Variants in FAM107A observed in about 807,000 individuals in gnomAD.
The protein encoded by FAM107A is family with sequence similarity 107 member A.
A neutral mutation model predicts 13.7 loss-of-function variants in FAM107A; 19 were observed. The observed-to-expected ratio is 1.38, with a 90% CI of 0.97 to 2.03. FAM107A has a LOEUF of 2.03. Among genes scored for constraint, FAM107A ranks in the 30% most tolerant of loss-of-function variants. FAM107A has a pLI of 0.00. For missense variants in FAM107A, 203 were observed against 184.4 expected, an observed-to-expected ratio of 1.10 and a Z score of -0.58; for synonymous variants, 82 against 74.5, an observed-to-expected ratio of 1.10 and a Z score of -0.52.
chr3:58,608,158 A>G (rs1461240481), intron 1 of FAM107A, among the ~76,000 whole-genome samples: 1 of 152,196 alleles, frequency 6.6e-6, no homozygotes, highest in East Asian at 1.9e-4. Flanking sequence ...TCTCATCTAC[A>G]AATGGGTGCA....
At chr3:58,570,359 C>G (rs1402433375) in intron 1 of FAM107A, 1 of 984,098 alleles carries the variant, frequency 1.0e-6, no homozygotes, top group Non-Finnish European at 1.2e-6. Flanking sequence ...AGTTCCACAA[C>G]TGTTCAGCTT....
chr3:58,581,612 C>G (rs2065543354), upstream of FAM107A, among the ~76,000 whole-genome samples: 1 of 151,256 alleles, frequency 6.6e-6, no homozygotes, highest in South Asian at 2.1e-4. Context: ...CCCCCCGCCT[C>G]TCAAACATGC....
chr3:58,589,769 G>A (rs145331577), upstream of FAM107A, among the ~76,000 whole-genome samples: 7 of 152,226 alleles, frequency 4.6e-5, no homozygotes, highest in East Asian at 5.8e-4. Flanking sequence ...AGACTACTAC[G>A]TCACATTCAG....
At chr3:58,593,772 C>T (rs1351167604) in intron 1 of FAM107A, among the ~76,000 whole-genome samples, 1 of 152,136 alleles carries the variant, frequency 6.6e-6, no homozygotes, top group African/African-American at 2.4e-5. Flanking sequence ...CCGTCCGCGC[C>T]CTACAGGTTG....
intron 1 of FAM107A, among the ~76,000 whole-genome samples, chr3:58,605,256 T>C (rs4681872): frequency 0.31 from 46,650 of 152,090 alleles, 7,847 homozygotes; most frequent in East Asian, 0.62. Flanking sequence ...AGTTCACTCT[T>C]AACCCTATAA....
intron 1 of FAM107A, among the ~76,000 whole-genome samples, chr3:58,572,005 G>C (rs909105133): frequency 1.3e-5 from 2 of 152,158 alleles, no homozygotes; most frequent in Admixed American, 6.5e-5. Context: ...CTTAATATTT[G>C]TATAGATAAA....
chr3:58,611,502 A>G (rs545529441), intron 1 of FAM107A, among the ~76,000 whole-genome samples: 1 of 152,262 alleles, frequency 6.6e-6, no homozygotes, highest in African/African-American at 2.4e-5. Context: ...TCATCTGTTT[A>G]TGGGCAGGTC....
chr3:58,626,712 A>G (rs2066021352), intron 1 of FAM107A, among the ~76,000 whole-genome samples: 2 of 152,042 alleles, frequency 1.3e-5, no homozygotes, highest in South Asian at 2.1e-4. Context: ...GGAAGTAGAG[A>G]TGTGTGTGGT....
chr3:58,582,016 G>T (rs1422975322), upstream of FAM107A, among the ~76,000 whole-genome samples: 1 of 152,132 alleles, frequency 6.6e-6, no homozygotes, highest in African/African-American at 2.4e-5. Flanking sequence ...GCGTGTGTGT[G>T]TCTGTTTCTC....
At chr3:58,614,556 G>A (rs577521334) in intron 1 of FAM107A, among the ~76,000 whole-genome samples, 168 of 150,330 alleles carry the variant, frequency 1.1e-3, no homozygotes, top group Non-Finnish European at 1.9e-3. Flanking sequence ...TCAGGCTAGA[G>A]TGTGATGGCG....
At chr3:58,599,274 C>CA (rs1402677860) in intron 1 of FAM107A, among the ~76,000 whole-genome samples, 4 of 152,174 alleles carry the variant, frequency 2.6e-5, no homozygotes, top group Admixed American at 6.5e-5. Flanking sequence ...AATTCTACTC[C>CA]AAACACCCTT....
At chr3:58,570,022 T>C (rs1171039859) in intron 1 of FAM107A, among the ~76,000 whole-genome samples, 157 bp from the exon 2 acceptor site, 1 of 152,218 alleles carries the variant, frequency 6.6e-6, no homozygotes, top group African/African-American at 2.4e-5. Context: ...TGAGCCTTAG[T>C]TTCTTCACTT....
chr3:58,584,715 A>G (rs1030939608), intron 1 of FAM107A, among the ~76,000 whole-genome samples: 3 of 152,156 alleles, frequency 2.0e-5, no homozygotes, highest in African/African-American at 7.2e-5. Context: ...ATGACAGGAA[A>G]TATCCTCTCC....
At chr3:58,611,368 G>C (rs2065852401) in intron 1 of FAM107A, among the ~76,000 whole-genome samples, 1 of 152,214 alleles carries the variant, frequency 6.6e-6, no homozygotes, top group Non-Finnish European at 1.5e-5. Context: ...TTCCCAGAGA[G>C]GGTGTCATTA....
chr3:58,570,641 G>A lies in FAM107A; in HGVS notation c.-5-776C>T, dbSNP rs1424804424. Among the ~76,000 whole-genome samples the A allele has an allele frequency of 6.1e-5, 7 of 115,410 alleles. No individual in the cohort carries two copies. In the East Asian group the frequency reaches 3.3e-3, roughly 54 times the overall value. The allele number at this position is 115,410 out of a possible 152,430, so 75.7% of individuals were successfully genotyped here. A position where few individuals can be genotyped will look rare whatever the true frequency, so the allele number is the denominator to read the frequency against. ...AGAGAGAGAGAGAGAGAGAGAAAGA[G>A]ACTGACTTAAAAAAAAAAAGGCCTC... On this transcript the variant is annotated intron_variant, in intron 1 of 3. Coordinates refer to ENST00000360997, the MANE Select transcript of FAM107A (RefSeq NM_001076778.3).
chr3:58,569,151 T>C lies in FAM107A; in HGVS notation c.170+540A>G, dbSNP rs929840138. Among the ~76,000 whole-genome samples the C allele has an allele frequency of 2.6e-5, 4 of 152,108 alleles. No individual in the cohort carries two copies. Among genetic ancestry groups the C allele is most frequent in the African/African-American group, 9.7e-5 (4 of 41,412 alleles). On this transcript the variant is annotated intron_variant, in intron 2 of 3. Coordinates refer to ENST00000360997, the MANE Select transcript of FAM107A (RefSeq NM_001076778.3). The surrounding 1 kb of genome is among the most constrained non-coding windows in gnomAD (Gnocchi z 5.7). ...TGAGTGACTCCTGTTTCCTGTTCAT[T>C]TACATATGAGGTTCCCTCTGCCATC...
chr3:58,566,700 A>G lies in FAM107A; in HGVS notation c.328-5T>C, dbSNP rs2063625479. The G allele has an allele frequency of 6.2e-7, 1 of 1,606,424 alleles. No homozygotes were observed. The highest frequency in any genetic ancestry group is 8.5e-7 in the Non-Finnish European group (1 of 1,173,220). On this transcript the variant is annotated splice_region_variant and splice_polypyrimidine_tract_variant and intron_variant, in intron 3 of 3. Coordinates refer to ENST00000360997, the MANE Select transcript of FAM107A (RefSeq NM_001076778.3). ...CTTCTCTGGTGGTTTTTCCAGCTGA[A>G]GGAGGGAGAAGCAGAGAGTGAAGTG...
At chr3:58,594,353 G>A (rs1478536520) in intron 1 of FAM107A, among the ~76,000 whole-genome samples, 1 of 152,048 alleles carries the variant, frequency 6.6e-6, no homozygotes. Context: ...AAGATTGCTT[G>A]TAGGCACTTT....
chr3:58,590,321 C>T (rs1052298375), upstream of FAM107A, among the ~76,000 whole-genome samples: 1 of 152,186 alleles, frequency 6.6e-6, no homozygotes, highest in Non-Finnish European at 1.5e-5. Flanking sequence ...TGTCTTCCTG[C>T]AACCCCACAG....
Sources: gnomAD v4.1 joint callset for allele counts (sites outside exome capture counted in the v4.1 genomes callset) on GRCh38, gnomAD v4.1.1 for gene constraint, Gnocchi (gnomAD v3.1) non-coding constraint, MANE v1.5 for transcripts, NCBI Gene and HGNC (gene_info 2026-07-23, HGNC 2026-07-21) for gene names.